Variants in POLB observed in about 807,000 individuals in gnomAD.
POLB encodes the protein DNA polymerase beta, also known as 5'-dRP lyase.
A neutral mutation model predicts 52.7 loss-of-function variants in POLB; 37 were observed. That is an observed-to-expected ratio of 0.70 (90% CI 0.54 to 0.92). The LOEUF is 0.92. POLB is among the 40% of genes least tolerant of loss of function. The probability of loss-of-function intolerance (pLI) is 0.00; values close to 1 mark genes in which losing one functional copy is unlikely to be tolerated. For missense variants in POLB, 313 were observed against 400.8 expected (o/e 0.78, Z 1.87); for synonymous variants, 138 against 131.3 (o/e 1.05, Z -0.35).
intron 6 of POLB, among the ~76,000 whole-genome samples, chr8:42,353,632 A>C (rs1283500936): frequency 6.6e-6 from 1 of 151,644 alleles, no homozygotes. Flanking sequence ...TCATGGGTGT[A>C]TGTATACATA....
chr8:42,368,200 T>C (rs1210373616), intron 11 of POLB, among the ~76,000 whole-genome samples: 1 of 152,176 alleles, frequency 6.6e-6, no homozygotes, highest in African/African-American at 2.4e-5. Flanking sequence ...TATCTAGACA[T>C]CCGCATCCGC....
At chr8:42,341,287 T>TAAAA (rs1822187610) in intron 2 of POLB, among the ~76,000 whole-genome samples, 1 of 152,254 alleles carries the variant, frequency 6.6e-6, no homozygotes, top group Non-Finnish European at 1.5e-5. Context: ...TCTTCCCTTT[T>TAAAA]AGGCTTTGCC....
intron 11 of POLB, among the ~76,000 whole-genome samples, chr8:42,364,524 C>T (rs879383038): frequency 1.1e-4 from 17 of 152,116 alleles, no homozygotes; most frequent in South Asian, 2.1e-4. Context: ...CCACTGTGCC[C>T]GGGCCTCTTC....
At chr8:42,351,075 A>C (rs1028371370) in intron 5 of POLB, among the ~76,000 whole-genome samples, 4 of 152,074 alleles carry the variant, frequency 2.6e-5, no homozygotes, top group African/African-American at 9.7e-5. Flanking sequence ...AGGTCTCCCT[A>C]TGTTGCCTAG....
intron 2 of POLB, among the ~76,000 whole-genome samples, chr8:42,341,576 A>G (rs2130771577): frequency 6.6e-6 from 1 of 152,386 alleles, no homozygotes; most frequent in East Asian, 1.9e-4. Flanking sequence ...TTGAAATTAT[A>G]GACAGAATAC....
Position 42,362,700 on chromosome 8 carries a change from T to C in POLB, c.708+2T>C, listed in dbSNP as rs369497661. 1.3e-6 allele frequency: 2 copies of C among 1,562,772 alleles called. No homozygotes were observed. Among genetic ancestry groups the C allele is most frequent in the Non-Finnish European group, 1.8e-6 (2 of 1,134,194 alleles). ...TCAAAGGGTGAGACAAAGTTCATGG[T>C]AAGTACTTGTTAGAGTTAGCACATC... is the stretch of plus-strand genomic sequence containing the variant. On this transcript the variant is annotated splice_donor_variant, in intron 11 of 13. Coordinates refer to ENST00000265421, the MANE Select transcript of POLB (RefSeq NM_002690.3). LOFTEE classifies it high-confidence loss of function.
intron 2 of POLB, 81 bp downstream of exon 2, chr8:42,339,150 A>C: frequency 9.3e-7 from 1 of 1,070,702 alleles, no homozygotes. Context: ...CTGAGGGCCC[A>C]GTGGATATTT....
At chr8:42,339,480 G>C (rs1822057172) in intron 2 of POLB, 2 of 184,874 alleles carry the variant, frequency 1.1e-5, no homozygotes, top group Non-Finnish European at 2.3e-5. Flanking sequence ...TTGTTCATGG[G>C]ATCCTGTCCT....
Position 42,357,376 on chromosome 8 carries a change from T to C in POLB, c.534T>C (p.Cys178=). 6.4e-7 allele frequency: 1 copy of C among 1,573,036 alleles called. No individual in the cohort carries two copies. Among genetic ancestry groups the C allele is most frequent in the African/African-American group, 1.3e-5 (1 of 74,222 alleles). ...ATTCTGAATACATTGCTACAGTCTG[T>C]GGCAGTTTCAGAAGAGGTAACATAC... ...KVDSEYIATV[C]GSFRRGAESS... Residue 178 remains cysteine (C), a synonymous_variant, in exon 9 of 14, where the codon TGT becomes TGC. Transcript: ENST00000265421.
At chr8:42,343,334 AAAAAAAAAAAAAT>A (rs1214342972) in intron 2 of POLB, among the ~76,000 whole-genome samples, 1 of 54,660 alleles carries the variant, frequency 1.8e-5, no homozygotes, top group African/African-American at 3.8e-5. Context: ...AAAAAAAAAA[AAAAAAAAAAAAAT>A]ATATATATAT....
chr8:42,355,446 A>C (rs1324614920), intron 6 of POLB, 70 bp from the exon 7 acceptor site: 3 of 849,170 alleles, frequency 3.5e-6, no homozygotes, highest in Non-Finnish European at 5.9e-6. Flanking sequence ...AAAAAGGGTC[A>C]TTGAGTTTAG....
At chr8:42,354,837 C>T (rs144323890) in intron 6 of POLB, among the ~76,000 whole-genome samples, 553 of 151,738 alleles carry the variant, frequency 3.6e-3, no homozygotes, top group Middle Eastern at 6.8e-3. Flanking sequence ...CCACTGTGCC[C>T]GGCTCAACAG....
At chr8:42,366,611 G>A (rs957941568) in intron 11 of POLB, among the ~76,000 whole-genome samples, 2 of 152,166 alleles carry the variant, frequency 1.3e-5, no homozygotes, top group African/African-American at 4.8e-5. Context: ...AGAAGCACTC[G>A]AGGTCAACTT....
rs777830657 is a variant in POLB, at chr8:42,352,612, C to T, written c.370+44C>T. On this transcript the variant is annotated intron_variant, in intron 6 of 13. Coordinates refer to ENST00000265421, the MANE Select transcript of POLB (RefSeq NM_002690.3). ...CACTAATTCCAGATTAAATATGGTC[C>T]TGAAGGACCATTAGTGCTCTAACAA... is the stretch of plus-strand genomic sequence containing the variant. 4.3e-6 allele frequency: 5 copies of T among 1,149,638 alleles called. No homozygotes were observed. The African/African-American group carries it at 4.5e-5, about 10-fold the overall frequency. 71.2% of individuals were successfully genotyped at this position (1,149,638 alleles called of 1,614,324 possible).
intron 13 of POLB, 106 bp from the exon 14 acceptor site, chr8:42,371,457 C>T (rs1585928936): frequency 2.6e-5 from 11 of 423,154 alleles, no homozygotes; most frequent in African/African-American, 4.2e-5. Context: ...TTACCATTTT[C>T]TTTTTTCTTC....
Position 42,371,711 on chromosome 8 carries a change from T to A in POLB, c.*54T>A. On this transcript the variant is annotated 3_prime_UTR_variant, in exon 14 of 14. Transcript: ENST00000265421. ...CCAATAGGAGTCTTAATTTATTTCTTAACCTTTGCTATGTAAGGGTCTTTG... is the reference window on the plus strand; with the variant it reads ...CCAATAGGAGTCTTAATTTATTTCTAAACCTTTGCTATGTAAGGGTCTTTG... The A allele has an allele frequency of 9.7e-7, 1 of 1,034,096 alleles. No homozygotes were observed. Among genetic ancestry groups the A allele is most frequent in the Non-Finnish European group, 1.5e-6 (1 of 657,048 alleles). The allele number at this position is 1,034,096 out of a possible 1,614,324, so 64.1% of individuals were successfully genotyped here.
chr8:42,340,087 A>G (rs954111332), intron 2 of POLB: 1 of 151,464 alleles, frequency 6.6e-6, no homozygotes, highest in Non-Finnish European at 1.5e-5. Flanking sequence ...AAATCCGCTC[A>G]CCTACGTCTC....
intron 9 of POLB, 151 bp from the exon 10 acceptor site, chr8:42,361,144 A>C: frequency 1.4e-6 from 1 of 707,514 alleles, no homozygotes; most frequent in Non-Finnish European, 2.6e-6. Context: ...AGAAAATTGA[A>C]ATCTTTTAAC....
At chr8:42,352,385 A>T (rs967059565) in intron 5 of POLB, 134 bp from the exon 6 acceptor site, 1 of 693,120 alleles carries the variant, frequency 1.4e-6, no homozygotes, top group Admixed American at 2.1e-5. Flanking sequence ...ACAGTTGAAC[A>T]TTACCAAAGT....
Sources: allele counts gnomAD v4.1 joint callset (sites outside exome capture counted in the v4.1 genomes callset), GRCh38; gene constraint gnomAD v4.1.1; transcripts MANE v1.5; gene names NCBI Gene and HGNC (gene_info 2026-07-23, HGNC 2026-07-21).